LY86: variants seen among roughly 807,000 people sequenced by gnomAD.
LY86 encodes lymphocyte antigen 86, also known as MD-1, RP105-associated.
Under a neutral mutation model 17.3 loss-of-function variants are expected in LY86, and 20 were observed. The ratio of observed to expected loss-of-function variants is 1.15; its 90% CI spans 0.81 to 1.68. LY86 has a LOEUF of 1.68. Ranked by LOEUF, LY86 falls within the 40% of genes most tolerant of loss-of-function variation. The pLI is 0.00. For synonymous variants in LY86, 74 were observed against 70.6 expected (o/e 1.05, Z -0.24); for missense variants, 200 against 191.9 (o/e 1.04, Z -0.25).
At chr6:6,611,584 T>C (rs1761333691) in intron 1 of LY86, among the ~76,000 whole-genome samples, 1 of 152,214 alleles carries the variant, frequency 6.6e-6, no homozygotes, top group South Asian at 2.1e-4. Context: ...CCTCCACAGC[T>C]TCCAAGGCAA....
intron 3 of LY86, among the ~76,000 whole-genome samples, chr6:6,647,242 A>T (rs1442454564): frequency 6.6e-6 from 1 of 151,800 alleles, no homozygotes; most frequent in Non-Finnish European, 1.5e-5. Flanking sequence ...CTTCCTTTCC[A>T]CCTTCTTAAA....
At position 6,615,119 on chromosome 6, in the gene LY86, G is replaced by T. The variant is rs181906486; in HGVS notation, c.137-9807G>T. 2.9e-3 allele frequency among the ~76,000 whole-genome samples: 440 copies of T among 152,190 alleles called. 4 individuals carry two copies. The highest frequency in any genetic ancestry group is 9.1e-3 in the African/African-American group (380 of 41,532). On this transcript the variant is annotated intron_variant, in intron 1 of 4. Coordinates refer to ENST00000230568, the MANE Select transcript of LY86 (RefSeq NM_004271.4). Reference sequence around the variant, plus strand: ...CGTTTAAGATCATATATCAGGAAATGAGCAAAAAAAACTTGGTGTGGCTTT... The same window carrying T: ...CGTTTAAGATCATATATCAGGAAATTAGCAAAAAAAACTTGGTGTGGCTTT...
chr6:6,641,865 A>C (rs957439124), intron 3 of LY86, among the ~76,000 whole-genome samples: 2 of 152,238 alleles, frequency 1.3e-5, no homozygotes, highest in African/African-American at 2.4e-5. Context: ...GGGGAAAGCC[A>C]GTAAGAGATG....
chr6:6,605,938 G>A (rs1273456189), intron 1 of LY86, among the ~76,000 whole-genome samples: 5 of 152,136 alleles, frequency 3.3e-5, no homozygotes, highest in Admixed American at 2.6e-4. Flanking sequence ...TTCACAGTAT[G>A]GGTTATAACT....
At chr6:6,609,585 C>T (rs1415718057) in intron 1 of LY86, among the ~76,000 whole-genome samples, 2 of 152,210 alleles carry the variant, frequency 1.3e-5, no homozygotes, top group East Asian at 1.9e-4. Flanking sequence ...AGCACTGTCA[C>T]GCTGGCCTCT....
intron 4 of LY86, 118 bp from the exon 5 acceptor site, chr6:6,654,426 C>T (rs1243231578): frequency 1.1e-5 from 8 of 752,752 alleles, no homozygotes; most frequent in African/African-American, 5.2e-5. Context: ...TCTTGTTCTA[C>T]GTTATCCACA....
At chr6:6,611,754 T>G (rs1426618929) in intron 1 of LY86, among the ~76,000 whole-genome samples, 4 of 152,152 alleles carry the variant, frequency 2.6e-5, no homozygotes, top group African/African-American at 9.7e-5. Flanking sequence ...CACCTTTGTA[T>G]CCCACATCTA....
At chr6:6,646,007 T>C (rs1363227706) in intron 3 of LY86, among the ~76,000 whole-genome samples, 2 of 152,092 alleles carry the variant, frequency 1.3e-5, no homozygotes, top group African/African-American at 4.8e-5. Flanking sequence ...GAGTATCTAC[T>C]GGGAAAAAGA....
At chr6:6,613,848 TCA>T (rs745417500) in intron 1 of LY86, among the ~76,000 whole-genome samples, 4 of 152,200 alleles carry the variant, frequency 2.6e-5, no homozygotes, top group Non-Finnish European at 4.4e-5. Flanking sequence ...CCGCCTTCCT[TCA>T]GTCACTCCTC....
In LY86 at chr6:6,589,584, A is replaced by G. The variant is rs1000512325; in HGVS notation, c.136+714A>G. ...TGTGTCTTAGTCAGCTAGGGCTGCC[A>G]TAACAAACCACCACAGGCTGGGGAC... is the stretch of plus-strand genomic sequence containing the variant. On this transcript the variant is annotated intron_variant, in intron 1 of 4. Coordinates refer to ENST00000230568, the MANE Select transcript of LY86 (RefSeq NM_004271.4). Among the ~76,000 whole-genome samples the G allele has an allele frequency of 7.9e-5, 12 of 152,360 alleles. No homozygotes were observed. In the East Asian group the frequency reaches 1.7e-3, roughly 22 times the overall value.
intron 1 of LY86, among the ~76,000 whole-genome samples, chr6:6,612,487 T>G (rs1402506861): frequency 6.6e-6 from 1 of 151,458 alleles, no homozygotes. Flanking sequence ...ACCCAAAGTG[T>G]AAACAACAAA....
intron 1 of LY86, among the ~76,000 whole-genome samples, chr6:6,614,488 C>T (rs571749052): frequency 1.2e-4 from 19 of 152,216 alleles, no homozygotes; most frequent in African/African-American, 4.1e-4. Flanking sequence ...GACTCCTGCG[C>T]ATACCAGGCT....
intron 4 of LY86, among the ~76,000 whole-genome samples, chr6:6,651,023 C>G (rs1708672514): frequency 6.6e-6 from 1 of 152,144 alleles, no homozygotes; most frequent in Admixed American, 6.5e-5. Flanking sequence ...CCCCCAGTTC[C>G]ATCCATGTTG....
chr6:6,625,878 A>G (rs938669770), intron 2 of LY86, among the ~76,000 whole-genome samples: 1 of 152,212 alleles, frequency 6.6e-6, no homozygotes, highest in Non-Finnish European at 1.5e-5. Context: ...CTTCCTGTGC[A>G]CCTGTGCTGC....
At chr6:6,633,621 T>C (rs1307313549) in intron 3 of LY86, among the ~76,000 whole-genome samples, 1 of 152,022 alleles carries the variant, frequency 6.6e-6, no homozygotes, top group African/African-American at 2.4e-5. Context: ...GTGTGTGTTG[T>C]TTGCCCCAAT....
chr6:6,628,593 A>G (rs1243495708), intron 3 of LY86, among the ~76,000 whole-genome samples: 1 of 151,826 alleles, frequency 6.6e-6, no homozygotes, highest in African/African-American at 2.4e-5. Context: ...TCTAGCCCCA[A>G]CAGATGAAGT....
At chr6:6,603,087 C>CATATA (rs1561777712) in intron 1 of LY86, among the ~76,000 whole-genome samples, 2 of 152,108 alleles carry the variant, frequency 1.3e-5, no homozygotes, top group African/African-American at 4.8e-5. Flanking sequence ...CCTCCCGACT[C>CATATA]TGTCCTTATA....
In LY86 at chr6:6,649,690, T is replaced by G. The variant is rs772262318; in HGVS notation, c.405+13T>G. 32 of 1,477,904 alleles carry G rather than the reference T, an allele frequency of 2.2e-5. No individual in the cohort carries two copies. In the Admixed American group the frequency reaches 5.3e-4, roughly 24 times the overall value. 91.5% of individuals were successfully genotyped at this position (1,477,904 alleles called of 1,614,324 possible). A position where few individuals can be genotyped will look rare whatever the true frequency, so the allele number is the denominator to read the frequency against. ...TACTATTCCTCAGGTAAGATATTAC[T>G]TACTTCTTGTATTAAATAGTTTGTT... On this transcript the variant is annotated intron_variant, in intron 4 of 4. Transcript: ENST00000230568.
intron 1 of LY86, among the ~76,000 whole-genome samples, chr6:6,613,282 C>T (rs962394782): frequency 2.6e-5 from 4 of 152,218 alleles, no homozygotes; most frequent in African/African-American, 7.2e-5. Context: ...GCCCGCACTC[C>T]TCAGCCCTTG....
Sources: allele counts gnomAD v4.1 joint callset (sites outside exome capture counted in the v4.1 genomes callset), GRCh38; gene constraint gnomAD v4.1.1; transcripts MANE v1.5; gene names NCBI Gene and HGNC (gene_info 2026-07-23, HGNC 2026-07-21).